Variants in TBL1XR1 observed in about 807,000 individuals in gnomAD.
TBL1XR1 encodes the protein TBL1X/Y related 1, also known as F-box-like/WD repeat-containing protein TBL1XR1.
In TBL1XR1, 5 loss-of-function variants were observed where a neutral mutation model predicts 66.9. That is an observed-to-expected ratio of 0.07 (90% CI 0.04 to 0.16). The LOEUF (loss-of-function observed/expected upper bound fraction) is 0.16, where lower values mean the gene tolerates loss of function less well. Among genes scored for constraint, TBL1XR1 ranks in the 10% least tolerant of loss-of-function variants. The pLI, the probability that TBL1XR1 is intolerant of heterozygous loss-of-function variation, is 1.00. For missense variants in TBL1XR1, 238 were observed against 623.2 expected (o/e 0.38, Z 6.58); for synonymous variants, 210 against 206.0 (o/e 1.02, Z -0.17).
chr3:177,137,235 G>A (rs933097027), intron 1 of TBL1XR1, among the ~76,000 whole-genome samples: 1 of 152,248 alleles, frequency 6.6e-6, no homozygotes, highest in African/African-American at 2.4e-5. Context: ...GCTTGCGCCT[G>A]TAATCCCAGC....
At chr3:177,135,322 T>TGTGTGC (rs1728814327) in intron 1 of TBL1XR1, among the ~76,000 whole-genome samples, 1 of 102,354 alleles carries the variant, frequency 9.8e-6, no homozygotes, top group Non-Finnish European at 2.0e-5. Context: ...TGTGTGTGTG[T>TGTGTGC]GTGTGTGTGT....
At chr3:177,178,931 A>G (rs1209933839) in intron 1 of TBL1XR1, among the ~76,000 whole-genome samples, 8 of 152,078 alleles carry the variant, frequency 5.3e-5, no homozygotes, top group Admixed American at 1.3e-4. Flanking sequence ...CATCCTGGCT[A>G]ACACGGTGAA....
At chr3:177,110,288 A>C (rs1266724733) in intron 1 of TBL1XR1, among the ~76,000 whole-genome samples, 1 of 152,254 alleles carries the variant, frequency 6.6e-6, no homozygotes, top group Non-Finnish European at 1.5e-5. Context: ...GACACATGAT[A>C]CAGAAAAACA....
chr3:177,198,387 ATG>A (rs1737201911), upstream of TBL1XR1, among the ~76,000 whole-genome samples: 2 of 152,230 alleles, frequency 1.3e-5, no homozygotes, highest in Non-Finnish European at 2.9e-5. Context: ...ATGTAACTAA[ATG>A]TTTACTAAAT....
intron 12 of TBL1XR1, among the ~76,000 whole-genome samples, chr3:177,035,482 T>C (rs1261669948): frequency 2.0e-5 from 3 of 150,486 alleles, no homozygotes; most frequent in African/African-American, 7.4e-5. Context: ...CACCACAATC[T>C]TGGCTCACTG....
intron 1 of TBL1XR1, among the ~76,000 whole-genome samples, chr3:177,117,651 T>C (rs1726463844): frequency 6.6e-6 from 1 of 152,210 alleles, no homozygotes; most frequent in African/African-American, 2.4e-5. Context: ...TCTAGTGCAG[T>C]AATGAAAATG....
At chr3:177,090,127 G>T (rs1455824785) in intron 2 of TBL1XR1, among the ~76,000 whole-genome samples, 1 of 152,176 alleles carries the variant, frequency 6.6e-6, no homozygotes, top group African/African-American at 2.4e-5. Context: ...GGAGTAGAAT[G>T]CAGCTGTAAA....
At chr3:177,159,517 G>GT (rs2108883084) in intron 1 of TBL1XR1, among the ~76,000 whole-genome samples, 1 of 152,126 alleles carries the variant, frequency 6.6e-6, no homozygotes, top group Non-Finnish European at 1.5e-5. Context: ...GAAAAACCAA[G>GT]ACACAAAATT....
Position 177,176,684 on chromosome 3 carries a change from G to A in TBL1XR1, c.-122+20437C>T, listed in dbSNP as rs765482565. Among the ~76,000 whole-genome samples the A allele has an allele frequency of 2.1e-4, 32 of 151,962 alleles. No individual in the cohort carries two copies. The South Asian group carries it at 3.7e-3, about 18-fold the overall frequency. On this transcript the variant is annotated intron_variant, in intron 1 of 15. Coordinates refer to ENST00000457928, the MANE Select transcript of TBL1XR1 (RefSeq NM_024665.7). ...CAAAAAATTAGCCAGGCGTGATGGCGCATGCCTGTAATCCCACCTATTCAG... is the reference window on the plus strand; with the variant it reads ...CAAAAAATTAGCCAGGCGTGATGGCACATGCCTGTAATCCCACCTATTCAG...
rs143182533 is a variant in TBL1XR1, at chr3:177,184,708, G to C, written c.-122+12413C>G. Among the ~76,000 whole-genome samples, 7 of 152,158 alleles carry C rather than the reference G, an allele frequency of 4.6e-5. No homozygotes were observed. The East Asian group carries it at 1.4e-3, about 29-fold the overall frequency. On this transcript the variant is annotated intron_variant, in intron 1 of 15. Transcript: ENST00000457928. The stretch of plus-strand genomic sequence containing the variant: ...CCCAGCTACTCAGGAGGCTGAGACA[G>C]GAGAATCACTTGAACCCTGGAGGCA...
intron 1 of TBL1XR1, among the ~76,000 whole-genome samples, chr3:177,176,908 A>T (rs1734224654): frequency 6.6e-6 from 1 of 152,174 alleles, no homozygotes; most frequent in South Asian, 2.1e-4. Flanking sequence ...TGAGCCCAGG[A>T]GGTCAAGGCT....
In TBL1XR1 at chr3:177,189,487, T is replaced by C. The variant is rs374070315; in HGVS notation, c.-122+7634A>G. Among the ~76,000 whole-genome samples, 3 of 151,582 alleles carry C rather than the reference T, an allele frequency of 2.0e-5. No homozygotes were observed. In the East Asian group the frequency reaches 5.8e-4, roughly 29 times the overall value. The stretch of plus-strand genomic sequence containing the variant: ...AGCCAACATGGTGAAACCCCATCTC[T>C]ACTAAAATTACAAAAAAATTAGCCA... On this transcript the variant is annotated intron_variant, in intron 1 of 15. Transcript: ENST00000457928.
intron 1 of TBL1XR1, among the ~76,000 whole-genome samples, chr3:177,107,268 C>CAAA (rs1205114474): frequency 6.6e-6 from 1 of 152,176 alleles, no homozygotes; most frequent in South Asian, 2.1e-4. Context: ...CTGATGAACT[C>CAAA]AAAGAGTCGC....
At chr3:177,028,840 GA>G (rs1387021269) in intron 14 of TBL1XR1, among the ~76,000 whole-genome samples, 1 of 152,136 alleles carries the variant, frequency 6.6e-6, no homozygotes, top group African/African-American at 2.4e-5. Flanking sequence ...TATTGATTCA[GA>G]TAAGGCAAAT....
At chr3:177,140,556 A>T (rs1343356750) in intron 1 of TBL1XR1, among the ~76,000 whole-genome samples, 1 of 152,228 alleles carries the variant, frequency 6.6e-6, no homozygotes, top group African/African-American at 2.4e-5. Context: ...CTTATATGAA[A>T]AAACTGAAAA....
chr3:177,136,465 A>G (rs1169212226), intron 1 of TBL1XR1, among the ~76,000 whole-genome samples: 1 of 152,172 alleles, frequency 6.6e-6, no homozygotes, highest in Non-Finnish European at 1.5e-5. Context: ...CTTTTAGTAG[A>G]GACAGGGTTT....
chr3:177,127,941 G>T (rs1158819351), intron 1 of TBL1XR1, among the ~76,000 whole-genome samples: 1 of 152,100 alleles, frequency 6.6e-6, no homozygotes, highest in Non-Finnish European at 1.5e-5. Context: ...AAAACGGGCC[G>T]GGCGCAGTGG....
rs1387712168 is a variant in TBL1XR1 at position 177,021,491 on chromosome 3, A to C, written c.*4007T>G. 3 of 152,592 alleles carry C rather than the reference A, an allele frequency of 2.0e-5. No individual in the cohort carries two copies. Among genetic ancestry groups the C allele is most frequent in the Admixed American group, 2.0e-4 (3 of 15,272 alleles). 9.5% of individuals were successfully genotyped at this position (152,592 alleles called of 1,614,324 possible). A position where few individuals can be genotyped will look rare whatever the true frequency, so the allele number is the denominator to read the frequency against. ...ACTGATATAAGACATCAAATTTCTA[A>C]ATCAGTGTATTAAAAAAGTGAACAC... On this transcript the variant is annotated 3_prime_UTR_variant, in exon 16 of 16. Transcript: ENST00000457928.
chr3:177,061,637 T>G (rs554915958), intron 3 of TBL1XR1, among the ~76,000 whole-genome samples: 161 of 152,312 alleles, frequency 1.1e-3, no homozygotes, highest in Non-Finnish European at 1.7e-3. Flanking sequence ...CTAATCCAAT[T>G]CAGTGCTCTA....
Sources: allele counts gnomAD v4.1 joint callset (sites outside exome capture counted in the v4.1 genomes callset), GRCh38; gene constraint gnomAD v4.1.1; transcripts MANE v1.5; gene names NCBI Gene and HGNC (gene_info 2026-07-23, HGNC 2026-07-21).